ZNF790: variants seen among roughly 807,000 people sequenced by gnomAD.
ZNF790 encodes zinc finger protein 790.
ZNF790 carries 8 observed loss-of-function variants against 12.1 expected under a neutral mutation model. The ratio of observed to expected loss-of-function variants is 0.66; its 90% CI spans 0.39 to 1.19. The LOEUF (loss-of-function observed/expected upper bound fraction) is 1.19, where lower values mean the gene tolerates loss of function less well. Among genes scored for constraint, ZNF790 ranks in the 50% most tolerant of loss-of-function variants. The pLI, the probability that ZNF790 is intolerant of heterozygous loss-of-function variation, is 0.01. For synonymous variants in ZNF790, 252 were observed against 244.3 expected (o/e 1.03, Z -0.29); for missense variants, 707 against 752.2 (o/e 0.94, Z 0.70).
chr19:36,836,627 C>G (rs1046134265), intron 1 of ZNF790, among the ~76,000 whole-genome samples: 202 of 152,072 alleles, frequency 1.3e-3, no homozygotes, highest in Non-Finnish European at 6.0e-4. Flanking sequence ...CGTGGTGGCA[C>G]GCACCTGTAG....
chr19:36,840,991 G>T (rs757507157), upstream of ZNF790, among the ~76,000 whole-genome samples: 8 of 151,740 alleles, frequency 5.3e-5, no homozygotes, highest in Non-Finnish European at 1.2e-4. Context: ...AAAATTAAAA[G>T]AAAAGAAAAA....
Position 36,818,278 on chromosome 19 carries a change from CT to C in ZNF790, c.*154del. The C allele has an allele frequency of 3.8e-6, 2 of 524,614 alleles. No homozygotes were observed. The highest frequency in any genetic ancestry group is 5.6e-6 in the Non-Finnish European group (2 of 355,268). 32.5% of individuals were successfully genotyped at this position (524,614 alleles called of 1,614,324 possible). On this transcript the variant is annotated 3_prime_UTR_variant, in exon 5 of 5. Transcript: ENST00000356725. ...TCCTATATTGATTGCATGATGAATT[CT>C]CTGCTGCTGCTGCTGCTGCTGCTGC...
rs1344853553 is a variant in ZNF790, at chr19:36,838,085, C to T, written c.-74+252G>A. The T allele has an allele frequency of 6.6e-6, 1 of 151,400 alleles. No homozygotes were observed. The highest frequency in any genetic ancestry group is 6.6e-5 in the Admixed American group (1 of 15,160). The allele number at this position is 151,400 out of a possible 1,614,324, so 9.4% of individuals were successfully genotyped here. ...CATTAGGGTCACACACAGCGCCTGTCAACGTCGTGTGCGCGTGCGCGCACA... is the reference window on the plus strand; with the variant it reads ...CATTAGGGTCACACACAGCGCCTGTTAACGTCGTGTGCGCGTGCGCGCACA... On this transcript the variant is annotated intron_variant, in intron 1 of 4. Transcript: ENST00000356725. The surrounding 1 kb of genome is among the most constrained non-coding windows in gnomAD (Gnocchi z 4.4).
intron 1 of ZNF790, among the ~76,000 whole-genome samples, chr19:36,837,043 C>G (rs2072061312): frequency 6.6e-6 from 1 of 152,148 alleles, no homozygotes; most frequent in Non-Finnish European, 1.5e-5. Context: ...CACTATCCCA[C>G]GCTATCTCTC....
chr19:36,829,811 C>A (rs964916285), intron 1 of ZNF790, among the ~76,000 whole-genome samples: 42 of 152,210 alleles, frequency 2.8e-4, no homozygotes, highest in African/African-American at 1.0e-3. Context: ...AGGTGATCCG[C>A]CCGCCTCGGC....
intron 1 of ZNF790, among the ~76,000 whole-genome samples, chr19:36,835,560 CTG>C (rs1265781835): frequency 6.6e-6 from 1 of 152,140 alleles, no homozygotes; most frequent in African/African-American, 2.4e-5. Context: ...CTCCACAACA[CTG>C]AGGCCAAGAC....
At chr19:36,845,969 T>G (rs537265300) in intron 1 of ZNF790, among the ~76,000 whole-genome samples, 16 of 151,960 alleles carry the variant, frequency 1.1e-4, no homozygotes, top group African/African-American at 3.9e-4. Context: ...CCACCACACT[T>G]GGCTAATTTT....
chr19:36,847,846 G>A (rs1308755241), intron 1 of ZNF790, among the ~76,000 whole-genome samples: 5 of 152,050 alleles, frequency 3.3e-5, no homozygotes, highest in Non-Finnish European at 7.4e-5. Flanking sequence ...AAAGGATTGA[G>A]GGAATGGGTC....
At position 36,818,273 on chromosome 19, in the gene ZNF790, G is replaced by A; in HGVS notation, c.*160C>T. On this transcript the variant is annotated 3_prime_UTR_variant, in exon 5 of 5. Coordinates refer to ENST00000356725, the MANE Select transcript of ZNF790 (RefSeq NM_206894.4). ...TTCTTTCCTATATTGATTGCATGATGAATTCTCTGCTGCTGCTGCTGCTGC... is the reference window on the plus strand; with the variant it reads ...TTCTTTCCTATATTGATTGCATGATAAATTCTCTGCTGCTGCTGCTGCTGC... 1 of 558,848 alleles carries A rather than the reference G, an allele frequency of 1.8e-6. No individual in the cohort carries two copies. Among genetic ancestry groups the A allele is most frequent in the Non-Finnish European group, 2.7e-6 (1 of 371,726 alleles). 34.6% of individuals were successfully genotyped at this position (558,848 alleles called of 1,614,324 possible). A position where few individuals can be genotyped will look rare whatever the true frequency, so the allele number is the denominator to read the frequency against.
At position 36,819,554 on chromosome 19, in the gene ZNF790, T is replaced by C. The variant is rs1427923921; in HGVS notation, c.790A>G (p.Arg264Gly). The C allele has an allele frequency of 1.2e-6, 2 of 1,612,740 alleles. No homozygotes were observed. The highest frequency in any genetic ancestry group is 3.3e-5 in the Admixed American group (2 of 59,810). The change falls in exon 5 of 5, where the codon AGA (arginine) becomes GGA (glycine). Residue 264 changes from arginine to glycine, a missense_variant. Coordinates refer to ENST00000356725, the MANE Select transcript of ZNF790 (RefSeq NM_206894.4). ...FKCKDCGKAFRFHSQLSVHKR... is the reference protein window; with the variant it reads ...FKCKDCGKAFGFHSQLSVHKR... ...TGGACACTAAGTTGTGAATGAAATCTAAAGGCTTTCCCACAATCCTTACAT... is the reference window on the plus strand; with the variant it reads ...TGGACACTAAGTTGTGAATGAAATCCAAAGGCTTTCCCACAATCCTTACAT...
At chr19:36,824,950 T>TGG (rs1434205973) in intron 2 of ZNF790, among the ~76,000 whole-genome samples, 1 of 152,216 alleles carries the variant, frequency 6.6e-6, no homozygotes, top group Non-Finnish European at 1.5e-5. Flanking sequence ...GTGGAAAATG[T>TGG]GTAGAATCTC....
intron 1 of ZNF790, chr19:36,827,989 G>C (rs2071866915): frequency 6.6e-6 from 1 of 152,178 alleles, no homozygotes; most frequent in African/African-American, 2.4e-5. Flanking sequence ...AAAGCCTGTA[G>C]TATGAATTGG....
upstream of ZNF790, among the ~76,000 whole-genome samples, chr19:36,842,600 G>A (rs1459877640): frequency 6.6e-6 from 1 of 151,046 alleles, no homozygotes; most frequent in Admixed American, 6.6e-5. Flanking sequence ...TCACTTTAGG[G>A]ATACAATGGA....
intron 2 of ZNF790, among the ~76,000 whole-genome samples, chr19:36,824,442 G>T (rs2071753506): frequency 6.6e-6 from 1 of 151,980 alleles, no homozygotes; most frequent in African/African-American, 2.4e-5. Flanking sequence ...TAACAGCTGG[G>T]GTTACGTGTG....
intron 1 of ZNF790, among the ~76,000 whole-genome samples, chr19:36,848,822 C>T (rs1254381070): frequency 1.3e-5 from 2 of 151,914 alleles, no homozygotes; most frequent in Non-Finnish European, 2.9e-5. Flanking sequence ...GAGACGGAGT[C>T]TCACTCTGTC....
chr19:36,829,203 G>T (rs181076245), intron 1 of ZNF790, among the ~76,000 whole-genome samples: 1 of 151,930 alleles, frequency 6.6e-6, no homozygotes, highest in Non-Finnish European at 1.5e-5. Flanking sequence ...TCACAAATAC[G>T]TGCAACCACA....
rs543229741 is a variant in ZNF790, at chr19:36,835,874, A to G, written c.-74+2463T>C. Among the ~76,000 whole-genome samples, 5 of 151,938 alleles carry G rather than the reference A, an allele frequency of 3.3e-5. No homozygotes were observed. In the East Asian group the frequency reaches 7.7e-4, roughly 24 times the overall value. ...TCTCCCTCTGACTTTAAACTCAGCCAGGAAAGGTTCACTGACTTTAAGGAC... is the reference window on the plus strand; with the variant it reads ...TCTCCCTCTGACTTTAAACTCAGCCGGGAAAGGTTCACTGACTTTAAGGAC... On this transcript the variant is annotated intron_variant, in intron 1 of 4. Coordinates refer to ENST00000356725, the MANE Select transcript of ZNF790 (RefSeq NM_206894.4).
chr19:36,837,816 A>G (rs1045095481), intron 1 of ZNF790: 2 of 151,978 alleles, frequency 1.3e-5, no homozygotes, highest in African/African-American at 2.4e-5. Context: ...CTCTTGAACT[A>G]TGTTGTCTAC....
chr19:36,819,182 G>A lies in ZNF790; in HGVS notation c.1162C>T (p.His388Tyr). 6.2e-7 allele frequency: 1 copy of A among 1,613,972 alleles called. No individual in the cohort carries two copies. Among genetic ancestry groups the A allele is most frequent in the Non-Finnish European group, 8.5e-7 (1 of 1,179,986 alleles). Reference sequence around the variant, plus strand: ...CATTTATAAGGTTTCCTACCAACATGAACATTCTGATGTTGAGCAAGATTT... The same window carrying A: ...CATTTATAAGGTTTCCTACCAACATAAACATTCTGATGTTGAGCAAGATTT... ...GSNLAQHQNV[H>Y]VGRKPYKCEK... Residue 388 changes from histidine (H) to tyrosine (Y), a missense_variant, in exon 5 of 5, where the codon CAT becomes TAT. Physicochemically the swap from His to Tyr is moderately conservative, Grantham distance 83 (BLOSUM62 2). Transcript: ENST00000356725.
Sources: allele counts gnomAD v4.1 joint callset (sites outside exome capture counted in the v4.1 genomes callset), GRCh38; gene constraint gnomAD v4.1.1; non-coding constraint Gnocchi (gnomAD v3.1); transcripts MANE v1.5; gene names NCBI Gene and HGNC (gene_info 2026-07-23, HGNC 2026-07-21).